Variants in SEC23IP observed in about 807,000 individuals in gnomAD.
SEC23IP encodes the protein SEC23-interacting protein.
In SEC23IP, 70 loss-of-function variants were observed where a neutral mutation model predicts 113.4. The ratio of observed to expected loss-of-function variants is 0.62; its 90% CI spans 0.51 to 0.75. The LOEUF is 0.75. Among genes scored for constraint, SEC23IP ranks in the 30% least tolerant of loss-of-function variants. SEC23IP has a pLI of 0.00. For synonymous variants in SEC23IP, 398 were observed against 421.0 expected (o/e 0.95, Z 0.67); for missense variants, 1,160 against 1,204.9 (o/e 0.96, Z 0.55).
chr10:119,928,860 G>A (rs1419701818), intron 13 of SEC23IP, among the ~76,000 whole-genome samples: 1 of 152,248 alleles, frequency 6.6e-6, no homozygotes, highest in Non-Finnish European at 1.5e-5. Context: ...GAGGATGATA[G>A]TTATAATAGT....
Position 119,929,761 on chromosome 10 carries a change from C to G in SEC23IP, c.2468C>G (p.Pro823Arg). The G allele has an allele frequency of 6.4e-7, 1 of 1,566,422 alleles. No individual in the cohort carries two copies. The highest frequency in any genetic ancestry group is 8.7e-7 in the Non-Finnish European group (1 of 1,151,466). ...TCKGFFNIYH[P>R]LDPVAYRLEP... ...AAAGGGTTCTTCAATATTTATCATC[C>G]GGTGAGTAATTGAATTTACTTTGTT... Residue 823 changes from proline to arginine, a missense_variant and splice_region_variant, in exon 14 of 19, where the codon CCG becomes CGG. By Grantham distance (103) the Pro-to-Arg change is moderately radical. Transcript: ENST00000369075.
In SEC23IP at chr10:119,898,774, C is replaced by G. The variant is rs1310359074; in HGVS notation, c.511C>G (p.Gln171Glu). ...SSLPPSYFGN[Q>E]PQGIPQPGYN... is the part of the protein sequence containing the mutation. ...TCTCCCTCCTTCATATTTTGGGAAC[C>G]AACCCCAAGGAATTCCCCAACCAGG... The change falls in exon 2 of 19, where the codon CAA becomes GAA. Residue 171 changes from glutamine (Q) to glutamate (E), a missense_variant. By Grantham distance (29) the Gln-to-Glu change is conservative (BLOSUM62 2). Transcript: ENST00000369075. 1 of 1,614,012 alleles carries G rather than the reference C, an allele frequency of 6.2e-7. No individual in the cohort carries two copies. Among genetic ancestry groups the G allele is most frequent in the East Asian group, 2.2e-5 (1 of 44,892 alleles).
chr10:119,935,122 A>G (rs925632259), intron 18 of SEC23IP, among the ~76,000 whole-genome samples: 6 of 152,154 alleles, frequency 3.9e-5, no homozygotes, highest in Admixed American at 1.3e-4. Context: ...ATCCTTCCAG[A>G]TATCTGTTAA....
At chr10:119,908,858 G>A (rs1854765569) in intron 4 of SEC23IP, among the ~76,000 whole-genome samples, 183 bp from the exon 5 acceptor site, 1 of 152,166 alleles carries the variant, frequency 6.6e-6, no homozygotes, top group African/African-American at 2.4e-5. Flanking sequence ...ACTTAGGCGT[G>A]ATTGAGAGTA....
At position 119,933,108 on chromosome 10, in the gene SEC23IP, A is replaced by G. The variant is rs1855659299; in HGVS notation, c.2862A>G (p.Glu954=). 1 of 1,614,078 alleles carries G rather than the reference A, an allele frequency of 6.2e-7. No homozygotes were observed. Among genetic ancestry groups the G allele is most frequent in the South Asian group, 1.1e-5 (1 of 91,084 alleles). ...GGRRIDYVLQ[E]KPIESFNEYL... The stretch of plus-strand genomic sequence containing the variant: ...GCCGAATTGACTACGTTCTCCAAGA[A>G]AAACCAATAGAGAGTTTTAATGAAT... Residue 954 remains glutamate (E), a synonymous_variant, in exon 17 of 19, where the codon GAA becomes GAG. Transcript: ENST00000369075.
At chr10:119,895,474 T>C (rs1195598720) in intron 1 of SEC23IP, among the ~76,000 whole-genome samples, 1 of 152,132 alleles carries the variant, frequency 6.6e-6, no homozygotes, top group Admixed American at 6.5e-5. Context: ...CTGCCCTCAA[T>C]GACTGCACAG....
chr10:119,928,683 TA>T lies in SEC23IP; in HGVS notation c.2314-919del, dbSNP rs535340807. Among the ~76,000 whole-genome samples the T allele has an allele frequency of 5.3e-5, 8 of 152,318 alleles. No individual in the cohort carries two copies. The South Asian group carries it at 1.7e-3, about 32-fold the overall frequency. ...GTGCTTCACTCTCAAGATACTAAAA[TA>T]AAAAGACACATTTCCTGCTACTGAG... On this transcript the variant is annotated intron_variant, in intron 13 of 18. Coordinates refer to ENST00000369075, the MANE Select transcript of SEC23IP (RefSeq NM_007190.4).
At chr10:119,912,204 C>G (rs982302924) in intron 6 of SEC23IP, 40 bp downstream of exon 6, 3 of 1,591,804 alleles carry the variant, frequency 1.9e-6, no homozygotes, top group Non-Finnish European at 2.6e-6. Flanking sequence ...TGTTTTAGTC[C>G]TCTCCATTTT....
intron 14 of SEC23IP, 152 bp downstream of exon 14, chr10:119,929,914 G>T: frequency 1.0e-5 from 6 of 573,436 alleles, no homozygotes; most frequent in Non-Finnish European, 1.8e-5. Flanking sequence ...CTCCCAAATC[G>T]CTAGGATTAT....
At chr10:119,902,149 G>C (rs1854515761) in intron 2 of SEC23IP, among the ~76,000 whole-genome samples, 1 of 152,146 alleles carries the variant, frequency 6.6e-6, no homozygotes, top group South Asian at 2.1e-4. Flanking sequence ...TTGAGGTTGG[G>C]AGTTCGCAAC....
intron 4 of SEC23IP, among the ~76,000 whole-genome samples, chr10:119,905,789 A>G (rs1158516471): frequency 6.6e-6 from 1 of 152,192 alleles, no homozygotes; most frequent in African/African-American, 2.4e-5. Context: ...CCGTGTATAT[A>G]AAATTAACAT....
intron 12 of SEC23IP, among the ~76,000 whole-genome samples, chr10:119,924,501 C>T (rs1205807156): frequency 1.3e-5 from 2 of 151,722 alleles, no homozygotes; most frequent in Non-Finnish European, 2.9e-5. Flanking sequence ...CTCACTGCAA[C>T]CTCCGCCTCC....
rs781044955 is a variant in SEC23IP, at chr10:119,927,996, T to A, written c.2314-1611T>A. On this transcript the variant is annotated intron_variant, in intron 13 of 18. Coordinates refer to ENST00000369075, the MANE Select transcript of SEC23IP (RefSeq NM_007190.4). ...CATTGCCAGTACTGGTATTATCATTTTCCTTTAAAAATATGTAGTAGTTTC... is the reference window on the plus strand; with the variant it reads ...CATTGCCAGTACTGGTATTATCATTATCCTTTAAAAATATGTAGTAGTTTC... Among the ~76,000 whole-genome samples, 10 of 152,236 alleles carry A rather than the reference T, an allele frequency of 6.6e-5. 1 individual carries two copies. The highest frequency in any genetic ancestry group is 1.2e-4 in the Non-Finnish European group (8 of 68,042).
rs576138988 is a variant in SEC23IP at position 119,934,506 on chromosome 10, A to G, written c.*20+719A>G. Among the ~76,000 whole-genome samples, 14 of 152,266 alleles carry G rather than the reference A, an allele frequency of 9.2e-5. No individual in the cohort carries two copies. The South Asian group carries it at 2.3e-3, about 25-fold the overall frequency. ...GTCAGCTGACGTGCAGCTCAGCCAC[A>G]CTCTGTATTCCTAACTGTCCTCCTG... On this transcript the variant is annotated intron_variant, in intron 18 of 18. Coordinates refer to ENST00000369075, the MANE Select transcript of SEC23IP (RefSeq NM_007190.4).
Position 119,893,720 on chromosome 10 carries a change from A to G in SEC23IP, c.163+775A>G, listed in dbSNP as rs187406694. ...TTTGTAGTAGAGACAGGGTTCCACC[A>G]TGTTGGCCAGGATGGTCTCAATCTC... On this transcript the variant is annotated intron_variant, in intron 1 of 18. Coordinates refer to ENST00000369075, the MANE Select transcript of SEC23IP (RefSeq NM_007190.4). 6.9e-3 allele frequency among the ~76,000 whole-genome samples: 1,056 copies of G among 152,032 alleles called. 13 individuals carry two copies. The highest frequency in any genetic ancestry group is 0.011 in the Non-Finnish European group (745 of 67,954).
At position 119,943,900 on chromosome 10, in the gene SEC23IP, A is replaced by T. The variant is rs2134554646; in HGVS notation, c.*3335A>T. The T allele has an allele frequency of 6.6e-6, 1 of 152,384 alleles. No individual in the cohort carries two copies. Among genetic ancestry groups the T allele is most frequent in the African/African-American group, 2.4e-5 (1 of 41,590 alleles). The allele number at this position is 152,384 out of a possible 1,614,324, so 9.4% of individuals were successfully genotyped here. A position where few individuals can be genotyped will look rare whatever the true frequency, so the allele number is the denominator to read the frequency against. On this transcript the variant is annotated 3_prime_UTR_variant, in exon 19 of 19. Transcript: ENST00000369075. ...CAGTTCAGGTTCATGGACAGGTGGG[A>T]CTGGTGTGGTTGGGATAACCCACCA...
At chr10:119,931,154 T>G (rs1490056113) in intron 15 of SEC23IP, among the ~76,000 whole-genome samples, 1 of 151,876 alleles carries the variant, frequency 6.6e-6, no homozygotes, top group Admixed American at 6.6e-5. Flanking sequence ...ATTTCTAAAT[T>G]GGAGTTTAAA....
chr10:119,915,936 T>A, intron 8 of SEC23IP, 47 bp downstream of exon 8: 4 of 1,394,744 alleles, frequency 2.9e-6, no homozygotes, highest in Non-Finnish European at 3.8e-6. Context: ...CATATTTAAA[T>A]TTAAGATTTA....
intron 2 of SEC23IP, among the ~76,000 whole-genome samples, chr10:119,901,404 C>T (rs1854495498): frequency 6.6e-6 from 1 of 151,854 alleles, no homozygotes; most frequent in African/African-American, 2.4e-5. Flanking sequence ...GAGGATCTAG[C>T]ATTTGAGTTA....
Sources: allele counts gnomAD v4.1 joint callset (sites outside exome capture counted in the v4.1 genomes callset), GRCh38; gene constraint gnomAD v4.1.1; transcripts MANE v1.5; gene names NCBI Gene and HGNC (gene_info 2026-07-23, HGNC 2026-07-21).